Variants in NLGN1 observed in about 807,000 individuals in gnomAD.
NLGN1 encodes neuroligin-1.
In NLGN1, 12 loss-of-function variants were observed where a neutral mutation model predicts 65.5. That is an observed-to-expected ratio of 0.18 (90% confidence interval 0.12 to 0.30). The LOEUF (loss-of-function observed/expected upper bound fraction) is 0.30. Among genes scored for constraint, NLGN1 ranks in the 10% least tolerant of loss-of-function variants. NLGN1 has a pLI of 1.00. For synonymous variants in NLGN1, 350 were observed against 359.5 expected (o/e 0.97, Z 0.30); for missense variants, 750 against 1,007.1 (o/e 0.74, Z 3.46).
intron 4 of NLGN1, among the ~76,000 whole-genome samples, chr3:174,033,380 T>C (rs1730442642): frequency 6.6e-6 from 1 of 152,166 alleles, no homozygotes; most frequent in African/African-American, 2.4e-5. Flanking sequence ...ATTTATTCAG[T>C]TTCTAGTACC....
intron 3 of NLGN1, among the ~76,000 whole-genome samples, chr3:173,705,593 A>G (rs1005701790): frequency 1.3e-5 from 2 of 152,188 alleles, no homozygotes; most frequent in Non-Finnish European, 2.9e-5. Flanking sequence ...TTGAGGGACT[A>G]TTCCTTTTTA....
intron 3 of NLGN1, among the ~76,000 whole-genome samples, chr3:173,718,733 A>G (rs530192153): frequency 6.6e-6 from 1 of 152,290 alleles, no homozygotes; most frequent in Admixed American, 6.5e-5. Context: ...ATCCTATTCA[A>G]TATATGGCTT....
At chr3:173,559,987 A>G (rs1158517046) in intron 2 of NLGN1, among the ~76,000 whole-genome samples, 1 of 134,754 alleles carries the variant, frequency 7.4e-6, no homozygotes, top group Non-Finnish European at 1.5e-5. Flanking sequence ...TCTGTCGCCC[A>G]GGCTGGAATG....
chr3:173,594,075 C>G (rs909754470), intron 2 of NLGN1, among the ~76,000 whole-genome samples: 2 of 152,212 alleles, frequency 1.3e-5, no homozygotes, highest in African/African-American at 2.4e-5. Context: ...TGTCATTCTG[C>G]CCCTGGCCCC....
intron 3 of NLGN1, among the ~76,000 whole-genome samples, chr3:173,761,524 A>G (rs1476977127): frequency 6.6e-6 from 1 of 152,104 alleles, no homozygotes; most frequent in African/African-American, 2.4e-5. Context: ...GTAGATTAGC[A>G]TGATATATAG....
chr3:173,757,394 A>G (rs1344835976), intron 3 of NLGN1, among the ~76,000 whole-genome samples: 1 of 152,070 alleles, frequency 6.6e-6, no homozygotes, highest in African/African-American at 2.4e-5. Context: ...GAATCTAATC[A>G]TGCCTTTAGA....
intron 3 of NLGN1, among the ~76,000 whole-genome samples, chr3:173,635,505 A>G (rs1412982627): frequency 6.6e-6 from 1 of 152,196 alleles, no homozygotes; most frequent in East Asian, 1.9e-4. Flanking sequence ...GTCGAAAGAG[A>G]AAAACAGTCA....
chr3:173,602,656 G>C (rs1212906876), intron 2 of NLGN1, among the ~76,000 whole-genome samples: 1 of 152,018 alleles, frequency 6.6e-6, no homozygotes, highest in Non-Finnish European at 1.5e-5. Context: ...TTGCTGTAGA[G>C]TACTTGAAAA....
chr3:174,124,501 A>G lies in NLGN1; in HGVS notation c.647-150814A>G, dbSNP rs151018077. 5.9e-3 allele frequency among the ~76,000 whole-genome samples: 873 copies of G among 148,754 alleles called. 22 individuals are homozygous for G. Among genetic ancestry groups the G allele is most frequent in the East Asian group, 0.039 (199 of 5,102 alleles). On this transcript the variant is annotated intron_variant, in intron 4 of 6. Transcript: ENST00000457714. ...ATTATGTATATACACATATATGTGT[A>G]TATATATAAGTATATATACATATGT...
chr3:174,129,220 T>C (rs1394397653), intron 4 of NLGN1, among the ~76,000 whole-genome samples: 3 of 151,886 alleles, frequency 2.0e-5, no homozygotes, highest in Non-Finnish European at 2.9e-5. Context: ...CTTAGAAGTG[T>C]TGAGGCCCAA....
At chr3:173,937,584 G>A (rs1363636658) in intron 4 of NLGN1, among the ~76,000 whole-genome samples, 1 of 152,050 alleles carries the variant, frequency 6.6e-6, no homozygotes, top group East Asian at 1.9e-4. Flanking sequence ...ACATTAGACA[G>A]GACTTGTATG....
intron 4 of NLGN1, among the ~76,000 whole-genome samples, chr3:173,940,572 A>C (rs755502770): frequency 2.6e-5 from 4 of 152,218 alleles, no homozygotes; most frequent in African/African-American, 9.6e-5. Context: ...TGTCCTGAAC[A>C]AATTCAATTT....
chr3:173,482,722 A>T (rs1203157548), intron 2 of NLGN1, among the ~76,000 whole-genome samples: 2 of 152,016 alleles, frequency 1.3e-5, no homozygotes, highest in Non-Finnish European at 2.9e-5. Flanking sequence ...CAGAATTATT[A>T]ACAGACATGA....
chr3:173,740,177 A>C (rs918305322), intron 3 of NLGN1, among the ~76,000 whole-genome samples: 4 of 152,148 alleles, frequency 2.6e-5, no homozygotes, highest in African/African-American at 9.6e-5. Context: ...CATAAAGGAC[A>C]GTAAATTAGC....
At chr3:173,731,085 A>G (rs1306579732) in intron 3 of NLGN1, among the ~76,000 whole-genome samples, 2 of 152,028 alleles carry the variant, frequency 1.3e-5, no homozygotes, top group Admixed American at 1.3e-4. Context: ...TTTCATTCCG[A>G]TATCATTCAC....
chr3:174,036,967 G>A (rs1295265326), intron 4 of NLGN1, among the ~76,000 whole-genome samples: 2 of 152,078 alleles, frequency 1.3e-5, no homozygotes, highest in Non-Finnish European at 2.9e-5. Flanking sequence ...ATTCTAAGGT[G>A]TATATGTACC....
At chr3:173,933,808 C>G (rs958992424) in intron 4 of NLGN1, among the ~76,000 whole-genome samples, 1 of 152,086 alleles carries the variant, frequency 6.6e-6, no homozygotes, top group Non-Finnish European at 1.5e-5. Flanking sequence ...AGCAAATTCT[C>G]AATGTACTTC....
At chr3:174,134,227 G>A (rs999730368) in intron 4 of NLGN1, among the ~76,000 whole-genome samples, 2 of 152,142 alleles carry the variant, frequency 1.3e-5, no homozygotes, top group African/African-American at 4.8e-5. Context: ...TGGCAGATGG[G>A]AAAGCCAGTT....
At chr3:173,918,906 T>C (rs977694855) in intron 4 of NLGN1, among the ~76,000 whole-genome samples, 40 of 152,258 alleles carry the variant, frequency 2.6e-4, no homozygotes, top group Non-Finnish European at 8.8e-5. Flanking sequence ...GAATCTATTT[T>C]CTTGCCTTTT....
Sources: gnomAD v4.1 joint callset for allele counts (sites outside exome capture counted in the v4.1 genomes callset) on GRCh38, gnomAD v4.1.1 for gene constraint, MANE v1.5 for transcripts, NCBI Gene and HGNC (gene_info 2026-07-23, HGNC 2026-07-21) for gene names.